Variants in SLC16A7 observed in about 807,000 individuals in gnomAD.
The protein encoded by SLC16A7 is monocarboxylate transporter 2.
SLC16A7 carries 33 observed loss-of-function variants against 34.9 expected under a neutral mutation model. The observed-to-expected ratio is 0.94, with a 90% confidence interval of 0.72 to 1.26. The LOEUF (loss-of-function observed/expected upper bound fraction) is 1.26, where lower values mean the gene tolerates loss of function less well. Ranked by LOEUF, SLC16A7 falls within the 50% of genes most tolerant of loss-of-function variation. SLC16A7 has a pLI of 0.00. For synonymous variants in SLC16A7, 201 were observed against 206.6 expected (o/e 0.97, Z 0.23); for missense variants, 573 against 578.1 (o/e 0.99, Z 0.09).
intron 3 of SLC16A7, among the ~76,000 whole-genome samples, chr12:59,739,779 T>G (rs1218480241): frequency 6.6e-5 from 10 of 152,222 alleles, no homozygotes; most frequent in Middle Eastern, 3.2e-3. Context: ...TAGATTTGCA[T>G]TTCTCTGATG....
At chr12:59,750,695 CA>C (rs1330846842) in intron 3 of SLC16A7, among the ~76,000 whole-genome samples, 1 of 152,162 alleles carries the variant, frequency 6.6e-6, no homozygotes, top group Non-Finnish European at 1.5e-5. Flanking sequence ...TTTGACCCAG[CA>C]ATCCCATTAC....
At chr12:59,733,992 G>C in intron 3 of SLC16A7, 2 of 360,318 alleles carry the variant, frequency 5.6e-6, no homozygotes, top group South Asian at 4.1e-5. Context: ...TGATTGGTCT[G>C]TGGGCAGCCA....
intron 3 of SLC16A7, among the ~76,000 whole-genome samples, chr12:59,729,808 A>T (rs1256166851): frequency 6.6e-6 from 1 of 152,218 alleles, no homozygotes; most frequent in African/African-American, 2.4e-5. Flanking sequence ...GGAAAAGCTA[A>T]ACACACTGTT....
chr12:59,607,051 C>T (rs767903726), intron 1 of SLC16A7, among the ~76,000 whole-genome samples: 1 of 152,160 alleles, frequency 6.6e-6, no homozygotes, highest in Admixed American at 6.5e-5. Flanking sequence ...ATATCCACAC[C>T]TGTTTGTTTT....
intron 4 of SLC16A7, among the ~76,000 whole-genome samples, chr12:59,772,664 G>A (rs1882348866): frequency 6.6e-6 from 1 of 152,048 alleles, no homozygotes; most frequent in South Asian, 2.1e-4. Flanking sequence ...GTGATCATGG[G>A]TACGTTAACC....
rs543093330 is a variant in SLC16A7, at chr12:59,699,048, TTACTC to T, written c.-30-5721_-30-5717del. Among the ~76,000 whole-genome samples, 60 of 151,870 alleles carry T rather than the reference TTACTC, an allele frequency of 4.0e-4. No individual in the cohort carries two copies. The South Asian group carries it at 0.012, about 30-fold the overall frequency. On this transcript the variant is annotated intron_variant, in intron 2 of 5. Transcript: ENST00000547379. ...GTATTCACCAGTATGTTTACATAGT[TTACTC>T]TAGTGTTAGGATTGTGGGTGATTTG...
chr12:59,640,176 A>G (rs953659620), intron 1 of SLC16A7, among the ~76,000 whole-genome samples: 3 of 152,156 alleles, frequency 2.0e-5, no homozygotes, highest in Admixed American at 2.0e-4. Flanking sequence ...AGTTGTAACT[A>G]TTTCTCAGCC....
Position 59,616,714 on chromosome 12 carries a change from GA to G in SLC16A7, c.-130+20484del, listed in dbSNP as rs796650190. 1.9e-4 allele frequency among the ~76,000 whole-genome samples: 29 copies of G among 152,008 alleles called. 2 individuals carry two copies. Among genetic ancestry groups the G allele is most frequent in the African/African-American group, 6.5e-4 (27 of 41,482 alleles). ...AGAGAACTGGGTAACTTTTATTCTG[GA>G]AAAAAGTATAGGTCATGGAAATTAA... On this transcript the variant is annotated intron_variant, in intron 1 of 5. Transcript: ENST00000547379.
At chr12:59,753,009 T>A (rs1294783014) in intron 3 of SLC16A7, among the ~76,000 whole-genome samples, 3 of 152,126 alleles carry the variant, frequency 2.0e-5, no homozygotes, top group Non-Finnish European at 4.4e-5. Context: ...CAAACTGAGC[T>A]TCATAAGTGA....
At chr12:59,627,133 G>A (rs1879962791) in intron 1 of SLC16A7, among the ~76,000 whole-genome samples, 1 of 151,640 alleles carries the variant, frequency 6.6e-6, no homozygotes, top group African/African-American at 2.4e-5. Context: ...TTCCCCACAG[G>A]ACTCATATCA....
intron 3 of SLC16A7, among the ~76,000 whole-genome samples, chr12:59,737,864 A>G (rs1029970975): frequency 1.3e-5 from 2 of 152,172 alleles, no homozygotes; most frequent in South Asian, 2.1e-4. Context: ...TTCTTCTCCA[A>G]TGGTTTAGCA....
intron 1 of SLC16A7, among the ~76,000 whole-genome samples, chr12:59,647,233 G>A (rs568673333): frequency 6.6e-6 from 1 of 152,260 alleles, no homozygotes; most frequent in Non-Finnish European, 1.5e-5. Context: ...ACCTTGAATT[G>A]TAGTTCCCAT....
At chr12:59,663,035 A>AGT (rs1230823441) in intron 2 of SLC16A7, among the ~76,000 whole-genome samples, 2 of 152,068 alleles carry the variant, frequency 1.3e-5, no homozygotes, top group East Asian at 3.9e-4. Flanking sequence ...GTCAGTGGAT[A>AGT]GTATTTTTTG....
At chr12:59,665,985 A>G (rs1869168773) in intron 2 of SLC16A7, among the ~76,000 whole-genome samples, 1 of 152,150 alleles carries the variant, frequency 6.6e-6, no homozygotes, top group Non-Finnish European at 1.5e-5. Flanking sequence ...ATGGTACTAC[A>G]TATGCAGTTT....
intron 1 of SLC16A7, among the ~76,000 whole-genome samples, chr12:59,630,073 G>C (rs909357735): frequency 5.9e-5 from 9 of 151,926 alleles, no homozygotes; most frequent in African/African-American, 2.2e-4. Flanking sequence ...AGTGAGAACT[G>C]GATTGGCATT....
chr12:59,713,926 A>G (rs1247576734), intron 3 of SLC16A7, among the ~76,000 whole-genome samples: 1 of 152,256 alleles, frequency 6.6e-6, no homozygotes, highest in Non-Finnish European at 1.5e-5. Context: ...CTATGCTTTC[A>G]GAATATTAAA....
At chr12:59,744,374 G>A (rs917341615) in intron 3 of SLC16A7, among the ~76,000 whole-genome samples, 2 of 152,092 alleles carry the variant, frequency 1.3e-5, no homozygotes, top group Non-Finnish European at 2.9e-5. Flanking sequence ...TCAGAGTGAC[G>A]GCTTGACAAT....
At chr12:59,740,222 T>A (rs1245748361) in intron 3 of SLC16A7, among the ~76,000 whole-genome samples, 1 of 151,822 alleles carries the variant, frequency 6.6e-6, no homozygotes, top group African/African-American at 2.4e-5. Context: ...AATTTTTGTA[T>A]AAGGTGTAAG....
intron 3 of SLC16A7, among the ~76,000 whole-genome samples, chr12:59,723,991 T>C (rs1251659581): frequency 1.3e-5 from 2 of 151,928 alleles, no homozygotes; most frequent in Non-Finnish European, 2.9e-5. Context: ...AAATGAAAAA[T>C]GTAATTGTGG....
Sources: allele counts gnomAD v4.1 joint callset (sites outside exome capture counted in the v4.1 genomes callset), GRCh38; gene constraint gnomAD v4.1.1; transcripts MANE v1.5; gene names NCBI Gene and HGNC (gene_info 2026-07-23, HGNC 2026-07-21).